PCDH9: variants seen among roughly 807,000 people sequenced by gnomAD.
PCDH9 encodes the protein protocadherin 9.
Under a neutral mutation model 70.6 loss-of-function variants are expected in PCDH9, and 24 were observed. The observed-to-expected ratio is 0.34, with a 90% confidence interval of 0.25 to 0.48. PCDH9 has a LOEUF of 0.48. Among genes scored for constraint, PCDH9 ranks in the 20% least tolerant of loss-of-function variants. The probability of loss-of-function intolerance (pLI) is 0.99; values close to 1 mark genes in which losing one functional copy is unlikely to be tolerated. For synonymous variants in PCDH9, 562 were observed against 558.5 expected, an observed-to-expected ratio of 1.01 and a Z score of -0.09; for missense variants, 1,281 against 1,503.6, an observed-to-expected ratio of 0.85 and a Z score of 2.45.
rs530708288 is a variant in PCDH9, at chr13:66,825,493, T to C, written c.3138+78011A>G. Among the ~76,000 whole-genome samples, 1,350 of 150,390 alleles carry C rather than the reference T, an allele frequency of 9.0e-3. 5 individuals are homozygous for C. The highest frequency in any genetic ancestry group is 0.013 in the Non-Finnish European group (887 of 67,498). ...CTGGGACTACAGGCGCGCGCCACCA[T>C]GCCCGGCTAATTTTTGTATTTTTAG... On this transcript the variant is annotated intron_variant, in intron 3 of 4. Transcript: ENST00000377865.
chr13:66,411,925 T>G (rs941723913), intron 4 of PCDH9, among the ~76,000 whole-genome samples: 5 of 152,190 alleles, frequency 3.3e-5, no homozygotes, highest in Non-Finnish European at 5.9e-5. Flanking sequence ...GATAGCATTC[T>G]GCAAACTGTT....
In PCDH9 at chr13:66,793,607, A is replaced by C. The variant is rs1295957313; in HGVS notation, c.3138+109897T>G. On this transcript the variant is annotated intron_variant, in intron 3 of 4. Transcript: ENST00000377865. ...CAGAACATTTCATTGAAGTATTATA[A>C]TATGGTTTATTGGTCCATCACCTTT... is the stretch of plus-strand genomic sequence containing the variant. Among the ~76,000 whole-genome samples the C allele has an allele frequency of 5.3e-5, 8 of 152,162 alleles. 1 individual carries two copies. The East Asian group carries it at 1.3e-3, about 26-fold the overall frequency.
At position 67,074,005 on chromosome 13, in the gene PCDH9, C is replaced by T. The variant is rs116661481; in HGVS notation, c.3036+151400G>A. Among the ~76,000 whole-genome samples, 1,186 of 152,084 alleles carry T rather than the reference C, an allele frequency of 7.8e-3. 20 individuals are homozygous for T. The highest frequency in any genetic ancestry group is 0.027 in the African/African-American group (1,102 of 41,482). ...TCTGAAAGAAGACTAGGTCCATATCCTTTTTGAATCTCATTGAGATGAAAT... is the reference window on the plus strand; with the variant it reads ...TCTGAAAGAAGACTAGGTCCATATCTTTTTTGAATCTCATTGAGATGAAAT... On this transcript the variant is annotated intron_variant, in intron 2 of 4. Transcript: ENST00000377865.
intron 2 of PCDH9, among the ~76,000 whole-genome samples, chr13:67,090,859 G>A (rs1332401534): frequency 2.6e-5 from 4 of 151,878 alleles, no homozygotes; most frequent in East Asian, 1.9e-4. Context: ...AAACGGTGTC[G>A]CAGGTTACAG....
At chr13:66,823,154 A>G (rs1298980749) in intron 3 of PCDH9, among the ~76,000 whole-genome samples, 1 of 152,034 alleles carries the variant, frequency 6.6e-6, no homozygotes, top group Non-Finnish European at 1.5e-5. Flanking sequence ...TAAATTTAAC[A>G]GTACCAAAGT....
intron 2 of PCDH9, among the ~76,000 whole-genome samples, chr13:67,153,768 C>T (rs2087723500): frequency 6.6e-6 from 1 of 152,182 alleles, no homozygotes; most frequent in African/African-American, 2.4e-5. Flanking sequence ...CTTTTATTCA[C>T]AGTTACAGGA....
chr13:66,933,607 G>C (rs936146324), intron 2 of PCDH9, among the ~76,000 whole-genome samples: 1 of 152,134 alleles, frequency 6.6e-6, no homozygotes, highest in African/African-American at 2.4e-5. Context: ...AAGTACCTTA[G>C]TCTACCTAGG....
chr13:66,714,659 T>C (rs2078846301), intron 3 of PCDH9, among the ~76,000 whole-genome samples: 1 of 152,128 alleles, frequency 6.6e-6, no homozygotes, highest in South Asian at 2.1e-4. Flanking sequence ...ATGAGTTAAG[T>C]TGAGATTATA....
intron 2 of PCDH9, among the ~76,000 whole-genome samples, chr13:67,120,070 T>C (rs1412052760): frequency 1.3e-5 from 2 of 151,904 alleles, no homozygotes; most frequent in South Asian, 2.1e-4. Context: ...ACAGAAAATA[T>C]ATTGAAATTT....
At chr13:67,136,345 A>G (rs2087232043) in intron 2 of PCDH9, among the ~76,000 whole-genome samples, 1 of 152,232 alleles carries the variant, frequency 6.6e-6, no homozygotes, top group Non-Finnish European at 1.5e-5. Flanking sequence ...CTAACAACAC[A>G]TTTCTCAGAA....
At chr13:67,147,174 C>A (rs1235115101) in intron 2 of PCDH9, among the ~76,000 whole-genome samples, 1 of 152,090 alleles carries the variant, frequency 6.6e-6, no homozygotes, top group African/African-American at 2.4e-5. Flanking sequence ...CATTTTCAGG[C>A]TTAACTTTCT....
intron 3 of PCDH9, among the ~76,000 whole-genome samples, chr13:66,732,146 T>C (rs1202413830): frequency 6.6e-6 from 1 of 152,038 alleles, no homozygotes; most frequent in Admixed American, 6.6e-5. Flanking sequence ...TTCTTTGATA[T>C]ACAATAGTTG....
chr13:67,001,970 C>G (rs566827496), intron 2 of PCDH9: 6 of 152,146 alleles, frequency 3.9e-5, no homozygotes, highest in Non-Finnish European at 8.8e-5. Flanking sequence ...TGAATCACTT[C>G]TTAAATAAAT....
At chr13:66,339,814 C>T (rs1437805161) in intron 4 of PCDH9, among the ~76,000 whole-genome samples, 4 of 152,116 alleles carry the variant, frequency 2.6e-5, no homozygotes, top group African/African-American at 9.7e-5. Context: ...GTATAGCAAC[C>T]TGTGGCTTCT....
rs367904882 is a variant in PCDH9 at position 66,694,905 on chromosome 13, C to CTTTT, written c.3139-63498_3139-63495dup. Among the ~76,000 whole-genome samples the CTTTT allele has an allele frequency of 2.1e-5, 3 of 141,766 alleles. 1 individual carries two copies. 93.0% of individuals were successfully genotyped at this position (141,766 alleles called of 152,430 possible). On this transcript the variant is annotated intron_variant, in intron 3 of 4. Coordinates refer to ENST00000377865, the MANE Select transcript of PCDH9 (RefSeq NM_203487.3). ...AAAATGCATAGTCATCACTTACATA[C>CTTTT]TTTTTTTTTTTTTTTTGAGACAGAG...
At chr13:66,549,008 A>G (rs1325160810) in intron 4 of PCDH9, among the ~76,000 whole-genome samples, 2 of 152,148 alleles carry the variant, frequency 1.3e-5, no homozygotes, top group African/African-American at 4.8e-5. Context: ...AAGGAAAACC[A>G]TACCACCATA....
chr13:66,639,257 A>G (rs2077678917), intron 3 of PCDH9, among the ~76,000 whole-genome samples: 1 of 152,142 alleles, frequency 6.6e-6, no homozygotes, highest in African/African-American at 2.4e-5. Context: ...TTACTACTCA[A>G]CTGCATGCTT....
rs188328163 is a variant in PCDH9, at chr13:66,585,163, C to T, written c.3340+46047G>A. ...GAAAGTGCTGTTAAGATATCATAGGCATGTGACCTGTGGTGCATGCATTTA... is the reference window on the plus strand; with the variant it reads ...GAAAGTGCTGTTAAGATATCATAGGTATGTGACCTGTGGTGCATGCATTTA... On this transcript the variant is annotated intron_variant, in intron 4 of 4. Coordinates refer to ENST00000377865, the MANE Select transcript of PCDH9 (RefSeq NM_203487.3). Among the ~76,000 whole-genome samples the T allele has an allele frequency of 6.1e-4, 93 of 152,064 alleles. 1 individual carries two copies. The highest frequency in any genetic ancestry group is 2.2e-3 in the African/African-American group (90 of 41,482).
intron 3 of PCDH9, among the ~76,000 whole-genome samples, chr13:66,696,203 A>G (rs1003394341): frequency 6.6e-6 from 1 of 152,156 alleles, no homozygotes; most frequent in African/African-American, 2.4e-5. Flanking sequence ...TTTTTAAAAA[A>G]TCACTTTCTT....
Sources: allele counts gnomAD v4.1 joint callset (sites outside exome capture counted in the v4.1 genomes callset), GRCh38; gene constraint gnomAD v4.1.1; transcripts MANE v1.5; gene names NCBI Gene and HGNC (gene_info 2026-07-23, HGNC 2026-07-21).